DLG1: variants seen among roughly 807,000 people sequenced by gnomAD.
The protein encoded by DLG1 is discs large MAGUK scaffold protein 1, also known as disks large homolog 1.
DLG1 carries 42 observed loss-of-function variants against 123.4 expected under a neutral mutation model. The observed-to-expected ratio is 0.34, with a 90% CI of 0.27 to 0.44. The LOEUF is 0.44. Among genes scored for constraint, DLG1 ranks in the 20% least tolerant of loss-of-function variants. The pLI is 1.00. For synonymous variants in DLG1, 317 were observed against 356.2 expected, an observed-to-expected ratio of 0.89 and a Z score of 1.24; for missense variants, 942 against 1,082.6, an observed-to-expected ratio of 0.87 and a Z score of 1.82.
intron 4 of DLG1, among the ~76,000 whole-genome samples, chr3:197,202,826 C>T (rs1726502516): frequency 6.6e-6 from 1 of 152,176 alleles, no homozygotes; most frequent in South Asian, 2.1e-4. Flanking sequence ...TAACCATTTT[C>T]TCAAAGGGAT....
intron 4 of DLG1, among the ~76,000 whole-genome samples, chr3:197,252,323 T>C (rs906759599): frequency 1.3e-5 from 2 of 152,136 alleles, no homozygotes; most frequent in Middle Eastern, 3.2e-3. Flanking sequence ...ATAGCTAAAA[T>C]ATGGAAACAA....
chr3:197,113,690 C>A (rs149256180), intron 13 of DLG1, among the ~76,000 whole-genome samples: 2 of 148,954 alleles, frequency 1.3e-5, no homozygotes, highest in Non-Finnish European at 2.9e-5. Context: ...TGAACCAAGC[C>A]GACAATTTCT....
chr3:197,196,138 T>C (rs557909082), intron 4 of DLG1, among the ~76,000 whole-genome samples: 49 of 115,688 alleles, frequency 4.2e-4, no homozygotes, highest in African/African-American at 6.6e-4. Flanking sequence ...CTTGTATAGA[T>C]AGGAGGAAAA....
intron 4 of DLG1, among the ~76,000 whole-genome samples, chr3:197,268,158 A>G (rs950694356): frequency 6.6e-6 from 1 of 152,242 alleles, no homozygotes; most frequent in Non-Finnish European, 1.5e-5. Flanking sequence ...TAATACTAAA[A>G]ATAGTAATAA....
intron 4 of DLG1, among the ~76,000 whole-genome samples, chr3:197,238,984 G>A (rs1440264060): frequency 6.6e-6 from 1 of 151,850 alleles, no homozygotes; most frequent in South Asian, 2.1e-4. Flanking sequence ...ATAAAGATGA[G>A]GGCAGAGATA....
At chr3:197,204,044 T>C (rs544660172) in intron 4 of DLG1, among the ~76,000 whole-genome samples, 1 of 152,332 alleles carries the variant, frequency 6.6e-6, no homozygotes, top group African/African-American at 2.4e-5. Flanking sequence ...AAAGAACACC[T>C]TGCTCACAAC....
Position 197,270,579 on chromosome 3 carries a change from C to G in DLG1, c.318+12100G>C, listed in dbSNP as rs138561144. 3.5e-4 allele frequency among the ~76,000 whole-genome samples: 54 copies of G among 152,256 alleles called. No homozygotes were observed. The East Asian group carries it at 7.7e-3, about 22-fold the overall frequency. On this transcript the variant is annotated intron_variant, in intron 4 of 24. Transcript: ENST00000667157. ...ATGATTAAATTAGGGAGAAAAATAA[C>G]ATTTTGAAACCTCAAATGTAGTGAT...
chr3:197,200,725 C>T (rs1277118086), intron 4 of DLG1, among the ~76,000 whole-genome samples: 1 of 151,994 alleles, frequency 6.6e-6, no homozygotes. Context: ...AGGTCAAAGG[C>T]CTTATTTCAA....
Position 197,070,315 on chromosome 3 carries a change from C to G in DLG1, c.2006-1055G>C, listed in dbSNP as rs911449898. On this transcript the variant is annotated intron_variant, in intron 18 of 24. Coordinates refer to ENST00000667157, the MANE Select transcript of DLG1 (RefSeq NM_001366207.1). ...TGGGAGTGAGGTGGTATGACTATAG[C>G]TCACTGCAGCCTCGCCCTCCTCTCC... The G allele has an allele frequency of 1.3e-5, 2 of 150,576 alleles. 1 individual carries two copies. Among genetic ancestry groups the G allele is most frequent in the African/African-American group, 4.9e-5 (2 of 40,904 alleles). 9.3% of individuals were successfully genotyped at this position (150,576 alleles called of 1,614,324 possible).
chr3:197,297,070 G>A lies in DLG1; in HGVS notation c.19+116C>T, dbSNP rs542487497. 33 of 1,120,014 alleles carry A rather than the reference G, an allele frequency of 2.9e-5. No individual in the cohort carries two copies. The South Asian group carries it at 4.2e-4, about 14-fold the overall frequency. The allele number at this position is 1,120,014 out of a possible 1,614,324, so 69.4% of individuals were successfully genotyped here. A position where few individuals can be genotyped will look rare whatever the true frequency, so the allele number is the denominator to read the frequency against. On this transcript the variant is annotated intron_variant, in intron 2 of 24. Coordinates refer to ENST00000667157, the MANE Select transcript of DLG1 (RefSeq NM_001366207.1). ...AGGCTTAGATTCCCTAAGCAATAAA[G>A]CTAGGACCGTGCTGTCTCATCAAAG...
chr3:197,160,812 T>C (rs1798493802), intron 5 of DLG1, among the ~76,000 whole-genome samples: 1 of 152,154 alleles, frequency 6.6e-6, no homozygotes, highest in Admixed American at 6.5e-5. Context: ...AAACATATGT[T>C]TACCCAGATT....
At chr3:197,088,585 G>A (rs1167027994) in intron 15 of DLG1, among the ~76,000 whole-genome samples, 3 of 152,180 alleles carry the variant, frequency 2.0e-5, no homozygotes, top group Non-Finnish European at 2.9e-5. Flanking sequence ...ATAGTAGACA[G>A]CCAAAGGAAA....
chr3:197,176,385 T>C (rs184174459), intron 5 of DLG1, among the ~76,000 whole-genome samples: 3 of 152,256 alleles, frequency 2.0e-5, no homozygotes, highest in Non-Finnish European at 4.4e-5. Flanking sequence ...GGTTTTGACA[T>C]GTGTTTAATG....
At chr3:197,061,869 C>G (rs760142891) in intron 22 of DLG1, among the ~76,000 whole-genome samples, 1 of 152,028 alleles carries the variant, frequency 6.6e-6, no homozygotes, top group Non-Finnish European at 1.5e-5. Context: ...ATCATTTTTA[C>G]CTTTGTAACT....
At chr3:197,284,931 A>T (rs925466052) in intron 3 of DLG1, among the ~76,000 whole-genome samples, 3 of 151,964 alleles carry the variant, frequency 2.0e-5, no homozygotes, top group African/African-American at 4.8e-5. Flanking sequence ...ACAAGACCAC[A>T]CAAAGCTCTA....
chr3:197,248,788 G>A (rs1752997763), intron 4 of DLG1, among the ~76,000 whole-genome samples: 1 of 152,192 alleles, frequency 6.6e-6, no homozygotes, highest in Non-Finnish European at 1.5e-5. Context: ...TACAAGCTTG[G>A]TGGACGGAGG....
chr3:197,172,294 T>G (rs1466861355), intron 5 of DLG1, among the ~76,000 whole-genome samples: 1 of 152,170 alleles, frequency 6.6e-6, no homozygotes, highest in Non-Finnish European at 1.5e-5. Context: ...GTACGGTATA[T>G]AATACTTCAG....
At chr3:197,153,876 AAAAG>A (rs1343369516) in intron 5 of DLG1, among the ~76,000 whole-genome samples, 2 of 152,180 alleles carry the variant, frequency 1.3e-5, no homozygotes, top group Non-Finnish European at 2.9e-5. Flanking sequence ...TAACAACAAA[AAAAG>A]AAAACCCTGG....
At chr3:197,161,131 C>T (rs1025717435) in intron 5 of DLG1, among the ~76,000 whole-genome samples, 4 of 152,118 alleles carry the variant, frequency 2.6e-5, no homozygotes, top group African/African-American at 9.7e-5. Context: ...GAAGATAGCA[C>T]AGAGCATTCC....
Sources: gnomAD v4.1 joint callset for allele counts (sites outside exome capture counted in the v4.1 genomes callset) on GRCh38, gnomAD v4.1.1 for gene constraint, MANE v1.5 for transcripts, NCBI Gene and HGNC (gene_info 2026-07-23, HGNC 2026-07-21) for gene names.